Variants in TRHDE observed in about 807,000 individuals in gnomAD.
The protein encoded by TRHDE is thyrotropin-releasing hormone-degrading ectoenzyme.
In TRHDE, 72 loss-of-function variants were observed where a neutral mutation model predicts 125.7. The ratio of observed to expected loss-of-function variants is 0.57; its 90% CI spans 0.47 to 0.70. The LOEUF (loss-of-function observed/expected upper bound fraction) is 0.70, where lower values mean the gene tolerates loss of function less well. Among genes scored for constraint, TRHDE ranks in the 30% least tolerant of loss-of-function variants. TRHDE has a pLI of 0.00. For missense variants in TRHDE, 1,110 were observed against 1,327.1 expected, an observed-to-expected ratio of 0.84 and a Z score of 2.54; for synonymous variants, 509 against 509.1, an observed-to-expected ratio of 1.00 and a Z score of 0.00.
chr12:72,397,719 TGA>T (rs770381650), intron 3 of TRHDE, among the ~76,000 whole-genome samples: 28 of 150,586 alleles, frequency 1.9e-4, no homozygotes, highest in African/African-American at 4.4e-4. Flanking sequence ...TGCTACTTTC[TGA>T]GAGAGAGAGA....
In TRHDE at chr12:72,664,143, A is replaced by G. The variant is rs1425808340; in HGVS notation, c.*948A>G. The G allele has an allele frequency of 6.6e-6, 1 of 152,280 alleles. No homozygotes were observed. The highest frequency in any genetic ancestry group is 1.9e-4 in the East Asian group (1 of 5,172). The allele number at this position is 152,280 out of a possible 1,614,324, so 9.4% of individuals were successfully genotyped here. ...AAATTTTTGTATAAACTACTATTCC[A>G]GTTCTCCTGTGTCAGTCTTGCCTAT... On this transcript the variant is annotated 3_prime_UTR_variant, in exon 19 of 19. Coordinates refer to ENST00000261180, the MANE Select transcript of TRHDE (RefSeq NM_013381.3).
chr12:72,192,637 C>A (rs960942268), intron 2 of TRHDE, among the ~76,000 whole-genome samples: 1 of 152,018 alleles, frequency 6.6e-6, no homozygotes, highest in East Asian at 1.9e-4. Context: ...GGATTTGAAG[C>A]CTGGATCTAA....
intron 3 of TRHDE, among the ~76,000 whole-genome samples, chr12:72,396,504 G>A (rs965528323): frequency 6.6e-6 from 1 of 152,114 alleles, no homozygotes; most frequent in African/African-American, 2.4e-5. Flanking sequence ...TCAGCACTTT[G>A]GGAGGCTGAG....
At position 72,670,199 on chromosome 12, in the gene TRHDE, G is replaced by C. The variant is rs1875214895; in HGVS notation, c.*7004G>C. 6.6e-6 allele frequency: 1 copy of C among 151,792 alleles called. No individual in the cohort carries two copies. Among genetic ancestry groups the C allele is most frequent in the African/African-American group, 2.4e-5 (1 of 41,396 alleles). The allele number at this position is 151,792 out of a possible 1,614,324, so 9.4% of individuals were successfully genotyped here. A position where few individuals can be genotyped will look rare whatever the true frequency, so the allele number is the denominator to read the frequency against. On this transcript the variant is annotated 3_prime_UTR_variant, in exon 19 of 19. Coordinates refer to ENST00000261180, the MANE Select transcript of TRHDE (RefSeq NM_013381.3). The stretch of plus-strand genomic sequence containing the variant: ...CATTTTATGATTTAGGAATTAAAAA[G>C]TAGCTGTTCTTTCAGTAAATAAGTG...
chr12:72,258,787 A>G lies in TRHDE; in HGVS notation n.280-119208A>G, dbSNP rs939458883. Among the ~76,000 whole-genome samples the G allele has an allele frequency of 2.6e-5, 4 of 152,254 alleles. No individual in the cohort carries two copies. In the East Asian group the frequency reaches 7.7e-4, roughly 29 times the overall value. On this transcript the variant is annotated intron_variant and non_coding_transcript_variant, in intron 2 of 4. Coordinates refer to the TRHDE transcript ENST00000548156. The stretch of plus-strand genomic sequence containing the variant: ...TCTCTACTTGACTTTCATGGCCTTG[A>G]CATTTTCCAAGGTCAGTTATTCAAT...
In TRHDE at chr12:72,649,109, C is replaced by T. The variant is rs561273449; in HGVS notation, c.2676-3213C>T. Among the ~76,000 whole-genome samples, 5 of 151,902 alleles carry T rather than the reference C, an allele frequency of 3.3e-5. No individual in the cohort carries two copies. The South Asian group carries it at 8.3e-4, about 25-fold the overall frequency. ...CCTATTTTGAGAAAGGAGAACAATG[C>T]TAGAGGAATCACACTTGCTAATTTT... On this transcript the variant is annotated intron_variant, in intron 15 of 18. Coordinates refer to ENST00000261180, the MANE Select transcript of TRHDE (RefSeq NM_013381.3).
At chr12:72,644,739 G>A (rs567127230) in intron 15 of TRHDE, among the ~76,000 whole-genome samples, 171 of 152,258 alleles carry the variant, frequency 1.1e-3, no homozygotes, top group African/African-American at 2.9e-3. Flanking sequence ...CCCATGGGGA[G>A]GGAAAGAGTT....
rs181800457 is a variant in TRHDE, at chr12:72,556,014, C to T, written c.1789-6151C>T. Reference sequence around the variant, plus strand: ...GCCCCCCAGTCTATAGAACCTTCTGCACTTTATTTCAGTTTTAATCTTTCT... The same window carrying T: ...GCCCCCCAGTCTATAGAACCTTCTGTACTTTATTTCAGTTTTAATCTTTCT... On this transcript the variant is annotated intron_variant, in intron 7 of 18. Transcript: ENST00000261180. 6.0e-4 allele frequency among the ~76,000 whole-genome samples: 92 copies of T among 152,258 alleles called. 4 individuals carry two copies. Among genetic ancestry groups the T allele is most frequent in the Admixed American group, 4.8e-3 (73 of 15,296 alleles).
Position 72,517,039 on chromosome 12 carries a change from A to G in TRHDE, c.1722+17404A>G, listed in dbSNP as rs888467248. Among the ~76,000 whole-genome samples, 218 of 152,110 alleles carry G rather than the reference A, an allele frequency of 1.4e-3. 2 individuals carry two copies. The highest frequency in any genetic ancestry group is 4.7e-3 in the African/African-American group (196 of 41,494). ...AGCTTTTTGATGTGCTGCTGGATTC[A>G]GTTTGCCAGTATTTTATTGAGTATT... On this transcript the variant is annotated intron_variant, in intron 6 of 18. Transcript: ENST00000261180.
intron 5 of TRHDE, among the ~76,000 whole-genome samples, chr12:72,479,709 T>G (rs1424156033): frequency 6.6e-6 from 1 of 150,976 alleles, no homozygotes; most frequent in Non-Finnish European, 1.5e-5. Context: ...ATGTGCACAA[T>G]GTGCAGGTTA....
At chr12:72,295,510 A>G (rs1024594388) in intron 2 of TRHDE, among the ~76,000 whole-genome samples, 3 of 152,196 alleles carry the variant, frequency 2.0e-5, no homozygotes, top group Non-Finnish European at 2.9e-5. Context: ...CAGGTACTCA[A>G]AACATACTGT....
At chr12:72,395,645 T>C (rs1367476006) in intron 3 of TRHDE, among the ~76,000 whole-genome samples, 2 of 152,122 alleles carry the variant, frequency 1.3e-5, no homozygotes, top group Non-Finnish European at 2.9e-5. Flanking sequence ...CATCTTCAAC[T>C]CTTTTGTGCC....
At chr12:72,469,941 T>C (rs1333882372) in intron 4 of TRHDE, 29 bp downstream of exon 4, 4 of 1,603,878 alleles carry the variant, frequency 2.5e-6, no homozygotes, top group African/African-American at 1.3e-5. Context: ...GGTGTAAGTA[T>C]AATGTGAAAG....
At chr12:72,452,693 C>T (rs1476334732) in intron 3 of TRHDE, among the ~76,000 whole-genome samples, 1 of 152,044 alleles carries the variant, frequency 6.6e-6, no homozygotes, top group Non-Finnish European at 1.5e-5. Flanking sequence ...TGGGGGTGGA[C>T]TTCTCATGGA....
chr12:72,194,756 C>T (rs533945036), intron 2 of TRHDE, among the ~76,000 whole-genome samples: 3 of 152,234 alleles, frequency 2.0e-5, no homozygotes, highest in African/African-American at 4.8e-5. Flanking sequence ...ATATGTACCA[C>T]GTTTTCTTTA....
intron 2 of TRHDE, among the ~76,000 whole-genome samples, chr12:72,310,549 A>AT (rs528742656): frequency 1.7e-3 from 258 of 152,346 alleles, no homozygotes; most frequent in Non-Finnish European, 2.4e-3. Flanking sequence ...TAAGTGTGAA[A>AT]ATGCTATGAA....
chr12:72,184,075 T>C (rs1224165178), intron 2 of TRHDE, among the ~76,000 whole-genome samples: 1 of 152,148 alleles, frequency 6.6e-6, no homozygotes, highest in Non-Finnish European at 1.5e-5. Context: ...ACAACACAAA[T>C]GTAGGCAAGT....
At chr12:72,195,586 A>G (rs1474613291) in intron 2 of TRHDE, among the ~76,000 whole-genome samples, 1 of 151,990 alleles carries the variant, frequency 6.6e-6, no homozygotes, top group Non-Finnish European at 1.5e-5. Flanking sequence ...CCATTTTTCA[A>G]TGAGGTTGTT....
chr12:72,589,589 T>C (rs1240063701), intron 12 of TRHDE, among the ~76,000 whole-genome samples: 2 of 152,216 alleles, frequency 1.3e-5, no homozygotes, highest in African/African-American at 2.4e-5. Flanking sequence ...TAATTGTGAA[T>C]TTAATTTTGC....
Sources: gnomAD v4.1 joint callset for allele counts (sites outside exome capture counted in the v4.1 genomes callset) on GRCh38, gnomAD v4.1.1 for gene constraint, MANE v1.5 for transcripts, NCBI Gene and HGNC (gene_info 2026-07-23, HGNC 2026-07-21) for gene names.